The following TMEM132E variants were observed in gnomAD, a reference collection of about 807,000 sequenced individuals.
TMEM132E encodes transmembrane protein 132E.
Under a neutral mutation model 78.5 loss-of-function variants are expected in TMEM132E, and 49 were observed. The observed-to-expected ratio is 0.62, with a 90% CI of 0.50 to 0.79. The LOEUF is 0.79. Ranked by LOEUF, TMEM132E falls within the 30% of genes least tolerant of loss-of-function variation. The pLI is 0.00. For synonymous variants in TMEM132E, 715 were observed against 670.6 expected (o/e 1.07, Z -1.02); for missense variants, 1,403 against 1,470.9 (o/e 0.95, Z 0.75).
At chr17:34,627,173 T>A (rs1258226630) in intron 2 of TMEM132E, 116 bp downstream of exon 2, 1 of 1,160,712 alleles carries the variant, frequency 8.6e-7, no homozygotes, top group Non-Finnish European at 1.2e-6. Context: ...CTGTCCAGCA[T>A]CCTAATCCCG....
In TMEM132E at chr17:34,637,565, A is replaced by G. The variant is rs758484480; in HGVS notation, c.2558A>G (p.Glu853Gly). The change falls in exon 9 of 9, where the codon GAG becomes GGG. Residue 853 changes from glutamate (E) to glycine (G), a missense_variant. Glu to Gly is a moderately conservative substitution (Grantham distance 98). Coordinates refer to ENST00000631683, the MANE Select transcript of TMEM132E (RefSeq NM_001304438.2). ...GPPGSALPAP[E>G]APGPGTASPV... ...CCGGGCTCTGCGCTACCCGCACCGG[A>G]GGCTCCAGGCCCGGGCACCGCCAGC... is the stretch of plus-strand genomic sequence containing the variant. The G allele has an allele frequency of 1.2e-4, 192 of 1,599,196 alleles. No individual in the cohort carries two copies. Among genetic ancestry groups the G allele is most frequent in the Non-Finnish European group, 1.5e-4 (171 of 1,175,574 alleles).
chr17:34,618,335 T>G (rs1158497442), intron 1 of TMEM132E, among the ~76,000 whole-genome samples: 1 of 152,034 alleles, frequency 6.6e-6, no homozygotes, highest in Admixed American at 6.6e-5. Context: ...ACTTCTGGGC[T>G]CAAGTGATCC....
At chr17:34,623,170 G>C (rs996660514) in intron 1 of TMEM132E, among the ~76,000 whole-genome samples, 4 of 152,318 alleles carry the variant, frequency 2.6e-5, no homozygotes, top group Non-Finnish European at 5.9e-5. Flanking sequence ...CTCCCCCAGG[G>C]GGGGTGAGGG....
At chr17:34,612,086 C>T (rs770573516) in intron 1 of TMEM132E, among the ~76,000 whole-genome samples, 1 of 152,156 alleles carries the variant, frequency 6.6e-6, no homozygotes, top group Non-Finnish European at 1.5e-5. Flanking sequence ...GGTGGCAGTG[C>T]CCTAGACCCC....
chr17:34,629,272 G>T, intron 4 of TMEM132E, 68 bp downstream of exon 4: 3 of 1,513,832 alleles, frequency 2.0e-6, no homozygotes, highest in South Asian at 1.2e-5. Context: ...TGTGTGACAA[G>T]AATGTGAACC....
intron 2 of TMEM132E, among the ~76,000 whole-genome samples, chr17:34,628,026 C>T (rs149807366): frequency 2.8e-3 from 429 of 152,198 alleles, no homozygotes; most frequent in Non-Finnish European, 4.6e-3. Context: ...CATTTAGTGT[C>T]CAGAGGAGTG....
In TMEM132E at chr17:34,611,257, C is replaced by G. The variant is rs181550990; in HGVS notation, c.68-14870C>G. On this transcript the variant is annotated intron_variant, in intron 1 of 8. Transcript: ENST00000631683. The stretch of plus-strand genomic sequence containing the variant: ...GGAGTGGGAGAAGGGAACTCAAGAG[C>G]AGGCAGGGGTGGGACAAAGGAAACA... Among the ~76,000 whole-genome samples the G allele has an allele frequency of 2.0e-5, 3 of 152,242 alleles. No homozygotes were observed. In the East Asian group the frequency reaches 5.8e-4, roughly 29 times the overall value.
intron 1 of TMEM132E, among the ~76,000 whole-genome samples, chr17:34,608,471 G>T (rs551814906): frequency 2.0e-5 from 3 of 152,268 alleles, no homozygotes; most frequent in Admixed American, 6.5e-5. Flanking sequence ...AAACCACTCG[G>T]CACATGCAAG....
At chr17:34,625,676 A>T (rs916521682) in intron 1 of TMEM132E, among the ~76,000 whole-genome samples, 1 of 152,196 alleles carries the variant, frequency 6.6e-6, no homozygotes, top group South Asian at 2.1e-4. Flanking sequence ...GCAGTGCAGG[A>T]TACACAGGGA....
Position 34,635,783 on chromosome 17 carries a change from T to C in TMEM132E, c.1978-224T>C, listed in dbSNP as rs116165852. 3.2e-3 allele frequency: 1,285 copies of C among 396,194 alleles called. 18 individuals carry two copies. Among genetic ancestry groups the C allele is most frequent in the African/African-American group, 0.024 (1,158 of 48,610 alleles). The allele number at this position is 396,194 out of a possible 1,614,324, so 24.5% of individuals were successfully genotyped here. ...CTTAGAATTGGCCCACCTCTCTCAT[T>C]TGTGTTCCCGCCTGGCTCCTGTGAG... On this transcript the variant is annotated intron_variant, in intron 7 of 8. Transcript: ENST00000631683.
intron 1 of TMEM132E, among the ~76,000 whole-genome samples, chr17:34,591,920 G>T (rs16970085): frequency 3.9e-4 from 60 of 152,102 alleles, no homozygotes; most frequent in Admixed American, 9.8e-4. Flanking sequence ...CTGGGCTGCC[G>T]CATGAATGAG....
At chr17:34,603,661 G>T (rs1258446143) in intron 1 of TMEM132E, among the ~76,000 whole-genome samples, 1 of 152,128 alleles carries the variant, frequency 6.6e-6, no homozygotes, top group Admixed American at 6.5e-5. Context: ...CTGTGGCAGG[G>T]TCCTCCTCTG....
Position 34,626,737 on chromosome 17 carries a change from G to C in TMEM132E, c.678G>C (p.Glu226Asp). The C allele has an allele frequency of 2.2e-6, 3 of 1,377,944 alleles. No individual in the cohort carries two copies. Among genetic ancestry groups the C allele is most frequent in the Non-Finnish European group, 2.9e-6 (3 of 1,046,858 alleles). 85.4% of individuals were successfully genotyped at this position (1,377,944 alleles called of 1,614,324 possible). A position where few individuals can be genotyped will look rare whatever the true frequency, so the allele number is the denominator to read the frequency against. Residue 226 changes from glutamate (E) to aspartate (D), a missense_variant, in exon 2 of 9, where the codon GAG becomes GAC. Around this residue, in one of 3 missense-constraint regions of TMEM132E, gnomAD observed 511 missense variants for 499.0 expected, o/e 1.02. Coordinates refer to ENST00000631683, the MANE Select transcript of TMEM132E (RefSeq NM_001304438.2). ...PDGLEPEATG[E>D]SQQAELYYTL... Reference sequence around the variant, plus strand: ...GGCTGGAGCCCGAGGCGACGGGGGAGAGCCAGCAGGCCGAGCTCTACTACA... The same window carrying C: ...GGCTGGAGCCCGAGGCGACGGGGGACAGCCAGCAGGCCGAGCTCTACTACA...
At chr17:34,616,117 G>A (rs888004982) in intron 1 of TMEM132E, among the ~76,000 whole-genome samples, 1 of 152,108 alleles carries the variant, frequency 6.6e-6, no homozygotes, top group Admixed American at 6.5e-5. Flanking sequence ...GTACGGGAGG[G>A]ACCCTGATAT....
At chr17:34,600,941 C>T (rs544534611) in intron 1 of TMEM132E, among the ~76,000 whole-genome samples, 3 of 152,326 alleles carry the variant, frequency 2.0e-5, no homozygotes, top group Middle Eastern at 6.8e-3. Flanking sequence ...GCTCACGGCA[C>T]ACACTCTCTC....
chr17:34,600,546 G>A (rs987148035), intron 1 of TMEM132E, among the ~76,000 whole-genome samples: 8 of 151,936 alleles, frequency 5.3e-5, no homozygotes, highest in Non-Finnish European at 1.0e-4. Flanking sequence ...GTTTGCCATG[G>A]GGCACCTGGA....
intron 1 of TMEM132E, among the ~76,000 whole-genome samples, chr17:34,624,506 T>C (rs1033766619): frequency 4.6e-5 from 7 of 152,160 alleles, no homozygotes; most frequent in Non-Finnish European, 1.0e-4. Context: ...GAGGGCTTCA[T>C]GAAGGAGGTG....
intron 1 of TMEM132E, among the ~76,000 whole-genome samples, chr17:34,604,418 C>T (rs1438338496): frequency 6.6e-6 from 1 of 152,196 alleles, no homozygotes; most frequent in Non-Finnish European, 1.5e-5. Flanking sequence ...GGCATCCATC[C>T]ACATTTGATA....
intron 8 of TMEM132E, 123 bp downstream of exon 8, chr17:34,636,321 C>A: frequency 2.0e-6 from 2 of 975,818 alleles, no homozygotes; most frequent in Non-Finnish European, 2.8e-6. Flanking sequence ...AGGATCTCTG[C>A]CCTCCATGCC....
Sources: gnomAD v4.1 joint callset for allele counts (sites outside exome capture counted in the v4.1 genomes callset) on GRCh38, gnomAD v4.1.1 for gene constraint, gnomAD v4.1.1 regional missense constraint, MANE v1.5 for transcripts, NCBI Gene and HGNC (gene_info 2026-07-23, HGNC 2026-07-21) for gene names.